CEP72: variants seen among roughly 807,000 people sequenced by gnomAD.
The protein encoded by CEP72 is centrosomal protein 72.
In CEP72, 78 loss-of-function variants were observed where a neutral mutation model predicts 65.7. The ratio of observed to expected loss-of-function variants is 1.19; its 90% CI spans 0.99 to 1.43. The LOEUF (loss-of-function observed/expected upper bound fraction) is 1.43. CEP72 is among the 40% of genes most tolerant of loss of function. The pLI is 0.00. For synonymous variants in CEP72, 358 were observed against 351.7 expected (o/e 1.02, Z -0.20); for missense variants, 914 against 832.9 (o/e 1.10, Z -1.20).
chr5:635,169 G>A (rs550112866), intron 5 of CEP72, among the ~76,000 whole-genome samples: 36 of 152,286 alleles, frequency 2.4e-4, no homozygotes, highest in African/African-American at 6.0e-4. Flanking sequence ...CCTGAGTCTC[G>A]CAGGCGAGTG....
intron 10 of CEP72, among the ~76,000 whole-genome samples, chr5:647,058 CAT>C (rs1212835505): frequency 6.6e-6 from 1 of 152,224 alleles, no homozygotes; most frequent in African/African-American, 2.4e-5. Flanking sequence ...TGTCCATCGA[CAT>C]AGACTTCACG....
intron 3 of CEP72, 36 bp downstream of exon 3, chr5:620,297 C>T: frequency 6.3e-7 from 1 of 1,584,958 alleles, no homozygotes; most frequent in Non-Finnish European, 8.7e-7. Flanking sequence ...ATGCTTTTGT[C>T]CCCGTGGGGT....
At chr5:669,935 G>A (rs1039466321), downstream of CEP72, among the ~76,000 whole-genome samples, 21 of 152,198 alleles carry the variant, frequency 1.4e-4, no homozygotes, top group African/African-American at 4.8e-4. Flanking sequence ...GGGTGCTGGA[G>A]GAGCCTCCGA....
At chr5:620,891 G>A (rs181115052) in intron 3 of CEP72, among the ~76,000 whole-genome samples, 1 of 152,202 alleles carries the variant, frequency 6.6e-6, no homozygotes, top group East Asian at 1.9e-4. Context: ...CTGCCTCCCC[G>A]GAGGCATTGT....
chr5:620,140 G>A lies in CEP72; in HGVS notation c.282G>A (p.Val94=). ...ACTGCATCTCCTCGTTGGCAGAAGT[G>A]TTTCGGCTCCACGCCTTAACCGAGC... ...YYNCISSLAE[V]FRLHALTELV... Residue 94 remains valine, a synonymous_variant, in exon 3 of 12, where the codon GTG becomes GTA. Transcript: ENST00000264935. The A allele has an allele frequency of 6.2e-7, 1 of 1,614,204 alleles. No homozygotes were observed.
chr5:648,537 T>G (rs1580017191), intron 11 of CEP72, among the ~76,000 whole-genome samples: 1 of 77,852 alleles, frequency 1.3e-5, no homozygotes, highest in East Asian at 3.5e-4. Context: ...CTGTGAGGTG[T>G]GACTGTGAGG....
At chr5:642,990 A>G (rs1738158301) in intron 9 of CEP72, 10 of 985,448 alleles carry the variant, frequency 1.0e-5, no homozygotes, top group Non-Finnish European at 9.6e-6. Flanking sequence ...TCTGAGGCAG[A>G]TGGGCTGCGC....
chr5:675,510 GT>G, the CEP72 span, among the ~76,000 whole-genome samples: 1 of 138,166 alleles, frequency 7.2e-6, no homozygotes, highest in Non-Finnish European at 1.6e-5. Flanking sequence ...GGGCTGCAGT[GT>G]GACCAGGGGT....
intron 4 of CEP72, among the ~76,000 whole-genome samples, chr5:625,762 C>T (rs1454293610): frequency 6.6e-6 from 1 of 152,140 alleles, no homozygotes; most frequent in Non-Finnish European, 1.5e-5. Flanking sequence ...CTCCTGGCTG[C>T]TGGTGATCTA....
chr5:643,502 G>A (rs1199948433), intron 9 of CEP72: 19 of 985,404 alleles, frequency 1.9e-5, no homozygotes, highest in Admixed American at 6.1e-5. Flanking sequence ...GGGGGCTGTC[G>A]GCGGGTGGGC....
At chr5:665,811 C>T (rs1739877413) in intron 3 of CEP72, 2 of 854,342 alleles carry the variant, frequency 2.3e-6, no homozygotes, top group Non-Finnish European at 3.5e-6. Context: ...TCAGACCCCA[C>T]ACCAGGCCAC....
chr5:615,142 T>TTTC (rs1735911499), intron 1 of CEP72, among the ~76,000 whole-genome samples: 1 of 150,820 alleles, frequency 6.6e-6, no homozygotes, highest in Non-Finnish European at 1.5e-5. Flanking sequence ...CTCTTTTTTT[T>TTTC]TTTTTTTTTT....
chr5:643,432 A>G (rs2126801955), intron 9 of CEP72: 1 of 985,468 alleles, frequency 1.0e-6, no homozygotes, highest in Middle Eastern at 5.2e-4. Flanking sequence ...GAATGGTCTC[A>G]GACCCAGCGA....
chr5:649,490 TG>T (rs1388856416), intron 11 of CEP72, among the ~76,000 whole-genome samples: 21 of 36,656 alleles, frequency 5.7e-4, no homozygotes, highest in African/African-American at 2.1e-3. Context: ...CTGTGAGGTG[TG>T]GACTGTGAGG....
intron 1 of CEP72, 106 bp from the exon 2 acceptor site, chr5:618,884 A>G: frequency 1.1e-6 from 1 of 873,826 alleles, no homozygotes; most frequent in Non-Finnish European, 1.8e-6. Flanking sequence ...AATTAAACCA[A>G]GAATCTGTGT....
At chr5:651,766 C>T (rs1377336762) in intron 11 of CEP72, among the ~76,000 whole-genome samples, 2 of 151,978 alleles carry the variant, frequency 1.3e-5, no homozygotes, top group Non-Finnish European at 2.9e-5. Flanking sequence ...GTGTGAACCC[C>T]TGTTGCTGTG....
chr5:620,234 C>T lies in CEP72; in HGVS notation c.376C>T (p.His126Tyr). 1.2e-6 allele frequency: 2 copies of T among 1,613,932 alleles called. No homozygotes were observed. Among genetic ancestry groups the T allele is most frequent in the Non-Finnish European group, 1.7e-6 (2 of 1,179,782 alleles). ...VEPDYRLFVV[H>Y]LLPKLQQLDD... ...GCCTGACTACCGCCTTTTTGTTGTGCACCTGCTCCCCAAGCTCCAGCAGCT... is the reference window on the plus strand; with the variant it reads ...GCCTGACTACCGCCTTTTTGTTGTGTACCTGCTCCCCAAGCTCCAGCAGCT... The change falls in exon 3 of 12, where the codon CAC becomes TAC. Residue 126 changes from histidine (H) to tyrosine (Y), a missense_variant. Coordinates refer to ENST00000264935, the MANE Select transcript of CEP72 (RefSeq NM_018140.4).
chr5:651,893 G>A (rs1399076463), intron 11 of CEP72, among the ~76,000 whole-genome samples: 2 of 151,316 alleles, frequency 1.3e-5, no homozygotes, highest in Non-Finnish European at 2.9e-5. Context: ...CTCAGGCTGA[G>A]GCTGCCACAC....
chr5:657,637 C>A (rs556387344), downstream of CEP72, among the ~76,000 whole-genome samples: 3 of 152,294 alleles, frequency 2.0e-5, no homozygotes, highest in East Asian at 3.9e-4. Context: ...ATCCTTATGT[C>A]CCCCCTGCCT....
Sources: allele counts gnomAD v4.1 joint callset (sites outside exome capture counted in the v4.1 genomes callset), GRCh38; gene constraint gnomAD v4.1.1; transcripts MANE v1.5; gene names NCBI Gene and HGNC (gene_info 2026-07-23, HGNC 2026-07-21).